HOOK3: variants seen among roughly 807,000 people sequenced by gnomAD.
The protein encoded by HOOK3 is hook microtubule tethering protein 3, also known as protein Hook homolog 3.
A neutral mutation model predicts 116.3 loss-of-function variants in HOOK3; 24 were observed. The observed-to-expected ratio is 0.21, with a 90% CI of 0.15 to 0.29. HOOK3 has a LOEUF of 0.29. HOOK3 is among the 10% of genes least tolerant of loss of function. The pLI, the probability that HOOK3 is intolerant of heterozygous loss-of-function variation, is 1.00. For synonymous variants in HOOK3, 275 were observed against 283.0 expected (o/e 0.97, Z 0.28); for missense variants, 632 against 830.2 (o/e 0.76, Z 2.93).
intron 13 of HOOK3, among the ~76,000 whole-genome samples, chr8:42,980,445 G>C (rs537094689): frequency 6.6e-6 from 1 of 152,270 alleles, no homozygotes; most frequent in South Asian, 2.1e-4. Context: ...CATGTTGAAA[G>C]TTAATACCCA....
rs1809837263 is a variant in HOOK3 at position 43,021,905 on chromosome 8, G to A, written c.*3407G>A. Reference sequence around the variant, plus strand: ...AGGATGGTCTCGATCTCCTGACCTCGTGATCCACCCGCCTCAGCCTCCCAG... The same window carrying A: ...AGGATGGTCTCGATCTCCTGACCTCATGATCCACCCGCCTCAGCCTCCCAG... On this transcript the variant is annotated 3_prime_UTR_variant, in exon 22 of 22. Coordinates refer to ENST00000307602, the MANE Select transcript of HOOK3 (RefSeq NM_032410.4). The A allele has an allele frequency of 1.2e-5, 2 of 168,158 alleles. No individual in the cohort carries two copies. The highest frequency in any genetic ancestry group is 4.8e-5 in the African/African-American group (2 of 41,688). 10.4% of individuals were successfully genotyped at this position (168,158 alleles called of 1,614,324 possible). A position where few individuals can be genotyped will look rare whatever the true frequency, so the allele number is the denominator to read the frequency against.
intron 11 of HOOK3, among the ~76,000 whole-genome samples, chr8:42,972,600 T>C (rs1178130000): frequency 6.6e-6 from 1 of 152,168 alleles, no homozygotes; most frequent in Admixed American, 6.6e-5. Flanking sequence ...TGGGTCTCAC[T>C]ATGCTGCCTT....
chr8:42,899,916 G>C (rs1399996764), intron 1 of HOOK3, among the ~76,000 whole-genome samples: 2 of 152,156 alleles, frequency 1.3e-5, no homozygotes, highest in African/African-American at 4.8e-5. Context: ...TCACTACATA[G>C]CATTTAGTTT....
At chr8:42,916,626 A>G (rs893711399) in intron 2 of HOOK3, among the ~76,000 whole-genome samples, 1 of 152,224 alleles carries the variant, frequency 6.6e-6, no homozygotes, top group African/African-American at 2.4e-5. Context: ...TGTTGACACA[A>G]GTAGCTGTAC....
At chr8:42,934,432 G>A (rs1807927438) in intron 4 of HOOK3, among the ~76,000 whole-genome samples, 3 of 151,940 alleles carry the variant, frequency 2.0e-5, no homozygotes, top group Admixed American at 2.0e-4. Context: ...TGAGATACAT[G>A]TGCAGAACGT....
In HOOK3 at chr8:43,007,857, C is replaced by T; in HGVS notation, c.1666C>T (p.His556Tyr). The change falls in exon 18 of 22, where the codon CAT (histidine) becomes TAT (tyrosine). Residue 556 changes from histidine (H) to tyrosine (Y), a missense_variant. Around this residue, in one of 3 missense-constraint regions of HOOK3, gnomAD observed 483 missense variants for 648.1 expected, o/e 0.75. Coordinates refer to ENST00000307602, the MANE Select transcript of HOOK3 (RefSeq NM_032410.4). ...ACCTGTTTGTTACAGAGAGAAGCTG[C>T]ATGAGGCCAATAATGAACTACAGAA... ...KKLEEHLEKL[H>Y]EANNELQKKR... 1 of 1,595,966 alleles carries T rather than the reference C, an allele frequency of 6.3e-7. No homozygotes were observed. Among genetic ancestry groups the T allele is most frequent in the Non-Finnish European group, 8.6e-7 (1 of 1,167,906 alleles).
Position 42,906,175 on chromosome 8 carries a change from C to A in HOOK3, c.60C>A (p.Ile20=). ...CCCCCCTCTTTTTTTCCCTTCAGATCCAGACATTTAATGTGGATGCACCAT... is the reference window on the plus strand; with the variant it reads ...CCCCCCTCTTTTTTTCCCTTCAGATACAGACATTTAATGTGGATGCACCAT... ...AELCESLLTW[I]QTFNVDAPCQ... The change falls in exon 2 of 22, where the codon ATC becomes ATA. Residue 20 remains isoleucine, a splice_region_variant and synonymous_variant. Coordinates refer to ENST00000307602, the MANE Select transcript of HOOK3 (RefSeq NM_032410.4). 1.3e-6 allele frequency: 1 copy of A among 746,302 alleles called. No individual in the cohort carries two copies. The highest frequency in any genetic ancestry group is 2.2e-6 in the Non-Finnish European group (1 of 463,858). The allele number at this position is 746,302 out of a possible 1,614,324, so 46.2% of individuals were successfully genotyped here. A position where few individuals can be genotyped will look rare whatever the true frequency, so the allele number is the denominator to read the frequency against.
At chr8:42,913,551 G>A (rs926517291) in intron 2 of HOOK3, among the ~76,000 whole-genome samples, 2 of 152,230 alleles carry the variant, frequency 1.3e-5, no homozygotes, top group African/African-American at 4.8e-5. Context: ...CAGTGGGGCT[G>A]TTACAGATAA....
chr8:42,918,833 A>C (rs968454505), intron 2 of HOOK3, among the ~76,000 whole-genome samples: 7 of 152,346 alleles, frequency 4.6e-5, no homozygotes, highest in Admixed American at 1.3e-4. Context: ...TTCTACACAG[A>C]CACAGTAACA....
intron 14 of HOOK3, among the ~76,000 whole-genome samples, chr8:42,984,655 G>T (rs753367414): frequency 1.3e-5 from 2 of 152,176 alleles, no homozygotes; most frequent in Admixed American, 6.5e-5. Context: ...AAATGCCAGC[G>T]CTTCGGGAGG....
At chr8:43,002,578 C>T (rs947267247) in intron 17 of HOOK3, among the ~76,000 whole-genome samples, 2 of 152,188 alleles carry the variant, frequency 1.3e-5, no homozygotes, top group Non-Finnish European at 2.9e-5. Flanking sequence ...TTTATAGATA[C>T]GAACAGGCAG....
chr8:42,915,177 T>C (rs909095266), intron 2 of HOOK3, among the ~76,000 whole-genome samples: 1 of 152,114 alleles, frequency 6.6e-6, no homozygotes, highest in Non-Finnish European at 1.5e-5. Flanking sequence ...CCAGGGACTG[T>C]CCGATGGTCA....
At chr8:42,902,115 C>T (rs1215046733) in intron 1 of HOOK3, among the ~76,000 whole-genome samples, 1 of 152,108 alleles carries the variant, frequency 6.6e-6, no homozygotes, top group Non-Finnish European at 1.5e-5. Flanking sequence ...CATCCCTTCC[C>T]TTTCATAGTG....
intron 1 of HOOK3, among the ~76,000 whole-genome samples, chr8:42,905,712 C>T (rs1807292645): frequency 6.7e-6 from 1 of 148,844 alleles, no homozygotes; most frequent in African/African-American, 2.5e-5. Flanking sequence ...CCCTTAAAGG[C>T]AAAAGTTTCC....
intron 15 of HOOK3, among the ~76,000 whole-genome samples, chr8:42,991,437 C>CT (rs1386627353): frequency 1.5e-5 from 2 of 134,610 alleles, no homozygotes; most frequent in Non-Finnish European, 3.1e-5. Context: ...GAGTCTGTCT[C>CT]TGTCACCCAG....
At chr8:42,962,466 G>C (rs1473515501) in intron 8 of HOOK3, among the ~76,000 whole-genome samples, 1 of 150,396 alleles carries the variant, frequency 6.6e-6, no homozygotes, top group Non-Finnish European at 1.5e-5. Context: ...GAGTGCAGTG[G>C]TGTGATCGTG....
At chr8:42,946,540 GT>G (rs1044816548) in intron 5 of HOOK3, among the ~76,000 whole-genome samples, 1 of 151,786 alleles carries the variant, frequency 6.6e-6, no homozygotes, top group Admixed American at 6.6e-5. Context: ...AAGCCCAAAG[GT>G]TTTTTTCTTG....
At chr8:42,919,303 C>T (rs1276376364) in intron 2 of HOOK3, among the ~76,000 whole-genome samples, 3 of 150,986 alleles carry the variant, frequency 2.0e-5, no homozygotes, top group Admixed American at 1.3e-4. Flanking sequence ...ACCTCCCAGA[C>T]GGGGTGGCGG....
chr8:42,921,299 G>T (rs953441574), intron 2 of HOOK3, among the ~76,000 whole-genome samples: 3 of 152,078 alleles, frequency 2.0e-5, no homozygotes, highest in Non-Finnish European at 4.4e-5. Context: ...GTCATCAGCT[G>T]CAGGGCACCA....
Sources: allele counts gnomAD v4.1 joint callset (sites outside exome capture counted in the v4.1 genomes callset), GRCh38; gene constraint gnomAD v4.1.1; regional missense constraint gnomAD v4.1.1; transcripts MANE v1.5; gene names NCBI Gene and HGNC (gene_info 2026-07-23, HGNC 2026-07-21).